The following GSE1 variants were observed in gnomAD, a reference collection of about 807,000 sequenced individuals.
The protein encoded by GSE1 is Gse1 coiled-coil protein.
GSE1 carries 32 observed loss-of-function variants against 112.6 expected under a neutral mutation model. That is an observed-to-expected ratio of 0.28 (90% CI 0.21 to 0.38). The LOEUF (loss-of-function observed/expected upper bound fraction) is 0.38, where lower values mean the gene tolerates loss of function less well. Among genes scored for constraint, GSE1 ranks in the 10% least tolerant of loss-of-function variants. GSE1 has a pLI of 1.00. For synonymous variants in GSE1, 1,115 were observed against 735.6 expected, an observed-to-expected ratio of 1.52 and a Z score of -8.35; for missense variants, 2,348 against 1,699.2, an observed-to-expected ratio of 1.38 and a Z score of -6.71.
intron 1 of GSE1, among the ~76,000 whole-genome samples, chr16:85,237,338 A>G (rs924318593): frequency 2.0e-5 from 3 of 152,070 alleles, no homozygotes; most frequent in Non-Finnish European, 2.9e-5. Flanking sequence ...AAATGAATGA[A>G]TAAATAAATA....
intron 2 of GSE1, among the ~76,000 whole-genome samples, chr16:85,502,713 C>A (rs1348997926): frequency 1.3e-5 from 2 of 152,206 alleles, no homozygotes; most frequent in South Asian, 4.1e-4. Context: ...AGCCTGGGGT[C>A]AAGTTCAAGG....
chr16:85,646,986 C>T (rs927008860), intron 2 of GSE1, among the ~76,000 whole-genome samples: 3 of 152,164 alleles, frequency 2.0e-5, no homozygotes, highest in Non-Finnish European at 4.4e-5. Context: ...CCTACCCCTG[C>T]CACCACACAC....
chr16:85,245,714 GA>G (rs1905571719), intron 1 of GSE1, among the ~76,000 whole-genome samples: 1 of 152,084 alleles, frequency 6.6e-6, no homozygotes, highest in Non-Finnish European at 1.5e-5. Context: ...ACCTTTAATA[GA>G]AAAAAAGTGT....
At chr16:85,659,640 C>T (rs1057323566) in intron 8 of GSE1, 2 of 152,262 alleles carry the variant, frequency 1.3e-5, no homozygotes, top group African/African-American at 4.8e-5. Flanking sequence ...ATAGCCACTG[C>T]ACTCCAGCCT....
chr16:85,629,632 C>G (rs1202187317), intron 1 of GSE1, among the ~76,000 whole-genome samples: 3 of 152,190 alleles, frequency 2.0e-5, no homozygotes, highest in African/African-American at 7.2e-5. Context: ...GGGAAATAGG[C>G]CCAGTCCCAG....
intron 2 of GSE1, among the ~76,000 whole-genome samples, chr16:85,510,470 C>T (rs1181495418): frequency 1.5e-5 from 2 of 134,534 alleles, no homozygotes; most frequent in African/African-American, 2.9e-5. Context: ...TGCGTGCACC[C>T]GCCTTGGCGG....
At chr16:85,555,798 G>A (rs1470308265), upstream of GSE1, 2 of 975,562 alleles carry the variant, frequency 2.1e-6, no homozygotes, top group East Asian at 2.3e-4. Flanking sequence ...GCACGTCCTG[G>A]GGGCTGTTTT....
intron 1 of GSE1, among the ~76,000 whole-genome samples, chr16:85,557,141 T>G (rs1031657792): frequency 2.0e-5 from 3 of 152,056 alleles, no homozygotes; most frequent in African/African-American, 7.3e-5. Flanking sequence ...TGGAAGCTGG[T>G]GATCCAGGAA....
chr16:85,514,494 C>A (rs942157647), intron 2 of GSE1, among the ~76,000 whole-genome samples: 2 of 150,338 alleles, frequency 1.3e-5, no homozygotes, highest in African/African-American at 4.9e-5. Flanking sequence ...GGCAGTCAGG[C>A]CTGGAGGTGG....
chr16:85,331,468 T>C, intron 1 of GSE1, among the ~76,000 whole-genome samples: 1 of 139,554 alleles, frequency 7.2e-6, no homozygotes, highest in South Asian at 2.2e-4. Flanking sequence ...TATGTGTGTA[T>C]ATATGTATAT....
chr16:85,563,460 C>T (rs1244050436), intron 1 of GSE1, among the ~76,000 whole-genome samples: 1 of 152,196 alleles, frequency 6.6e-6, no homozygotes. Flanking sequence ...CCCTCAGCCC[C>T]AATTACAGCT....
At chr16:85,335,535 G>T (rs1479391596) in intron 1 of GSE1, among the ~76,000 whole-genome samples, 2 of 152,226 alleles carry the variant, frequency 1.3e-5, no homozygotes, top group African/African-American at 4.8e-5. Flanking sequence ...AGGTGCTGGG[G>T]CGTGGGTTTG....
upstream of GSE1, among the ~76,000 whole-genome samples, chr16:85,607,572 A>G (rs546071017): frequency 2.0e-5 from 3 of 152,328 alleles, no homozygotes; most frequent in East Asian, 5.8e-4. Context: ...AAACTCCTCA[A>G]AGGGAGTTAG....
rs571745089 is a variant in GSE1 at position 85,171,547 on chromosome 16, C to G, written c.2023C>G (p.Arg675Gly). ...CCACCACGCTGTCAGCGCCTGGTCC[C>G]GGCAGTACCAGGTGGAGACGTTCGT... The change falls in exon 1 of 3, where the codon CGG (arginine) becomes GGG (glycine). Residue 675 changes from arginine to glycine, a missense_variant. Physicochemically the swap from Arg to Gly is moderately radical, Grantham distance 125. Coordinates refer to the GSE1 transcript ENST00000637419. 4.1e-6 allele frequency: 4 copies of G among 985,390 alleles called. No individual in the cohort carries two copies. The African/African-American group carries it at 7.0e-5, about 17-fold the overall frequency. 61.0% of individuals were successfully genotyped at this position (985,390 alleles called of 1,614,324 possible).
chr16:85,315,687 A>T (rs766011636), intron 1 of GSE1, among the ~76,000 whole-genome samples: 1 of 152,220 alleles, frequency 6.6e-6, no homozygotes, highest in Non-Finnish European at 1.5e-5. Context: ...TTTGCATTTC[A>T]GATAAACAAC....
At chr16:85,255,026 C>T (rs556840286) in intron 1 of GSE1, among the ~76,000 whole-genome samples, 18 of 152,328 alleles carry the variant, frequency 1.2e-4, no homozygotes, top group Non-Finnish European at 2.1e-4. Context: ...CGCGGGCGGT[C>T]TCTGCAGGGA....
intron 2 of GSE1, among the ~76,000 whole-genome samples, chr16:85,473,573 C>A (rs1435055988): frequency 6.6e-6 from 1 of 152,206 alleles, no homozygotes; most frequent in Non-Finnish European, 1.5e-5. Flanking sequence ...GGCCGCATGT[C>A]CCTGCTCTGT....
At chr16:85,478,863 CTTTCTTTCTTTCTTTCTTTCTTTCTT>C (rs1206487162) in intron 2 of GSE1, among the ~76,000 whole-genome samples, 1 of 30,272 alleles carries the variant, frequency 3.3e-5, no homozygotes, top group Non-Finnish European at 5.3e-5. Flanking sequence ...TTCTTTCTTT[CTTTCTTTCTTTCTTTCTTTCTTTCTT>C]TCTTTCTTTC....
chr16:85,292,412 T>C (rs2045249591), intron 1 of GSE1, among the ~76,000 whole-genome samples: 1 of 151,312 alleles, frequency 6.6e-6, no homozygotes, highest in Admixed American at 6.6e-5. Context: ...CACTGCAACC[T>C]CCGCCTCCCG....
Sources: gnomAD v4.1 joint callset for allele counts (sites outside exome capture counted in the v4.1 genomes callset) on GRCh38, gnomAD v4.1.1 for gene constraint, MANE v1.5 for transcripts, NCBI Gene and HGNC (gene_info 2026-07-23, HGNC 2026-07-21) for gene names.